Variants in ADAM12 observed in about 807,000 individuals in gnomAD.
The protein encoded by ADAM12 is disintegrin and metalloproteinase domain-containing protein 12.
ADAM12 carries 70 observed loss-of-function variants against 106.4 expected under a neutral mutation model. The ratio of observed to expected loss-of-function variants is 0.66; its 90% confidence interval spans 0.54 to 0.80. ADAM12 has a LOEUF of 0.80. ADAM12 is among the 30% of genes least tolerant of loss of function. ADAM12 has a pLI of 0.00. For missense variants in ADAM12, 1,010 were observed against 1,171.9 expected, an observed-to-expected ratio of 0.86 and a Z score of 2.02; for synonymous variants, 420 against 433.5, an observed-to-expected ratio of 0.97 and a Z score of 0.39.
chr10:126,361,013 T>C (rs929737732), intron 1 of ADAM12, among the ~76,000 whole-genome samples: 5 of 152,084 alleles, frequency 3.3e-5, no homozygotes, highest in East Asian at 1.9e-4. Context: ...GCAGGGAAAC[T>C]CCCATTTTTA....
intron 2 of ADAM12, among the ~76,000 whole-genome samples, chr10:126,309,009 C>T (rs1960966050): frequency 6.6e-6 from 1 of 152,164 alleles, no homozygotes; most frequent in Non-Finnish European, 1.5e-5. Context: ...CTTATATCAT[C>T]CCAGAACCCA....
intron 3 of ADAM12, among the ~76,000 whole-genome samples, chr10:126,195,479 A>T (rs1172349972): frequency 6.6e-6 from 1 of 151,990 alleles, no homozygotes; most frequent in Non-Finnish European, 1.5e-5. Flanking sequence ...GGAAGTTGAG[A>T]CAGGAGAATC....
chr10:126,223,346 G>A (rs147420332), intron 3 of ADAM12, among the ~76,000 whole-genome samples: 46 of 152,262 alleles, frequency 3.0e-4, no homozygotes, highest in African/African-American at 9.6e-4. Context: ...CCTCAAATCA[G>A]CTGAGGTTCT....
intron 3 of ADAM12, among the ~76,000 whole-genome samples, chr10:126,192,486 T>C (rs1903857): frequency 0.27 from 41,352 of 152,036 alleles, 7,357 homozygotes; most frequent in East Asian, 0.52. Context: ...TCATAAAATA[T>C]ATCTTTAGTT....
At chr10:126,048,511 C>G (rs530648360) in intron 16 of ADAM12, among the ~76,000 whole-genome samples, 1 of 152,166 alleles carries the variant, frequency 6.6e-6, no homozygotes, top group South Asian at 2.1e-4. Context: ...CTGTCTCTGC[C>G]TCTGTCTTTT....
chr10:126,099,710 GA>G (rs1955624502), intron 9 of ADAM12, among the ~76,000 whole-genome samples: 1 of 152,138 alleles, frequency 6.6e-6, no homozygotes, highest in African/African-American at 2.4e-5. Context: ...GAAAATGGCC[GA>G]AGTAAATTAT....
chr10:126,061,915 G>A (rs923636057), intron 14 of ADAM12, among the ~76,000 whole-genome samples: 25 of 152,172 alleles, frequency 1.6e-4, no homozygotes, highest in Admixed American at 6.5e-4. Context: ...CTCACACAGC[G>A]CCTGTAAACT....
chr10:126,108,667 T>C lies in ADAM12; in HGVS notation c.670-3A>G. ...AGATCTTTTCCTTGCCTCTGAAACT[T>C]AACAATTTTAAATGGCAGCATTAAT... is the stretch of plus-strand genomic sequence containing the variant. On this transcript the variant is annotated splice_region_variant and splice_polypyrimidine_tract_variant and intron_variant, in intron 7 of 22. Coordinates refer to ENST00000448723, the MANE Select transcript of ADAM12 (RefSeq NM_001288973.2). The C allele has an allele frequency of 6.2e-7, 1 of 1,612,186 alleles. No individual in the cohort carries two copies. The highest frequency in any genetic ancestry group is 1.1e-5 in the South Asian group (1 of 91,032).
intron 3 of ADAM12, among the ~76,000 whole-genome samples, chr10:126,239,281 T>C (rs918164360): frequency 1.2e-4 from 18 of 152,216 alleles, no homozygotes; most frequent in African/African-American, 4.3e-4. Context: ...AAGAACCTCA[T>C]TGTTTCCATG....
intron 1 of ADAM12, among the ~76,000 whole-genome samples, chr10:126,330,848 C>G (rs1359680546): frequency 1.3e-5 from 2 of 152,146 alleles, no homozygotes; most frequent in East Asian, 3.9e-4. Context: ...TGAATTGATA[C>G]TTTATTTAGG....
intron 8 of ADAM12, among the ~76,000 whole-genome samples, chr10:126,102,163 A>C (rs1955681210): frequency 6.6e-6 from 1 of 152,054 alleles, no homozygotes; most frequent in Non-Finnish European, 1.5e-5. Flanking sequence ...TAGAGGTATG[A>C]CCTACCCATT....
chr10:126,242,328 C>T (rs370482589), intron 3 of ADAM12, among the ~76,000 whole-genome samples: 7 of 152,154 alleles, frequency 4.6e-5, no homozygotes, highest in Admixed American at 3.9e-4. Flanking sequence ...TAAAATCAGA[C>T]GTTTATTCCT....
intron 3 of ADAM12, among the ~76,000 whole-genome samples, chr10:126,222,787 A>C (rs866267239): frequency 1.3e-5 from 2 of 152,154 alleles, no homozygotes; most frequent in Non-Finnish European, 2.9e-5. Context: ...ACTTTTATAG[A>C]TCCAGAGTCA....
intron 3 of ADAM12, among the ~76,000 whole-genome samples, chr10:126,277,521 T>C (rs1169430549): frequency 6.6e-6 from 1 of 152,116 alleles, no homozygotes; most frequent in Non-Finnish European, 1.5e-5. Context: ...CTTCTTCCAT[T>C]GAGATATTTT....
intron 1 of ADAM12, among the ~76,000 whole-genome samples, chr10:126,346,055 T>G (rs2133877911): frequency 6.6e-6 from 1 of 152,340 alleles, no homozygotes; most frequent in Non-Finnish European, 1.5e-5. Flanking sequence ...TTCTTGCCCC[T>G]TCTGCTAGCT....
At chr10:126,036,042 A>C in intron 21 of ADAM12, 104 bp downstream of exon 21, 1 of 1,044,432 alleles carries the variant, frequency 9.6e-7, no homozygotes, top group Non-Finnish European at 1.2e-6. Flanking sequence ...TCTCCATTTT[A>C]CAGAGGCACC....
At chr10:126,059,288 T>A (rs1376859067) in intron 14 of ADAM12, among the ~76,000 whole-genome samples, 1 of 151,890 alleles carries the variant, frequency 6.6e-6, no homozygotes, top group Non-Finnish European at 1.5e-5. Context: ...TCAAATCAGC[T>A]CCTCCTTCCC....
chr10:126,346,747 T>G (rs575888243), intron 1 of ADAM12, among the ~76,000 whole-genome samples: 2 of 152,326 alleles, frequency 1.3e-5, no homozygotes, highest in Admixed American at 1.3e-4. Flanking sequence ...TAGCTCTTCT[T>G]GTTGAATTGA....
chr10:126,130,181 T>C (rs992440042), intron 5 of ADAM12, among the ~76,000 whole-genome samples: 3 of 113,406 alleles, frequency 2.6e-5, no homozygotes, highest in African/African-American at 3.7e-5. Flanking sequence ...GGGGCTACTC[T>C]AGTTGCATTT....
Sources: gnomAD v4.1 joint callset for allele counts (sites outside exome capture counted in the v4.1 genomes callset) on GRCh38, gnomAD v4.1.1 for gene constraint, MANE v1.5 for transcripts, NCBI Gene and HGNC (gene_info 2026-07-23, HGNC 2026-07-21) for gene names.